The following CCSER1 variants were observed in gnomAD, a reference collection of about 807,000 sequenced individuals.
CCSER1 encodes the protein serine-rich coiled-coil domain-containing protein 1.
Under a neutral mutation model 82.0 loss-of-function variants are expected in CCSER1, and 41 were observed. The ratio of observed to expected loss-of-function variants is 0.50; its 90% confidence interval spans 0.39 to 0.65. The LOEUF (loss-of-function observed/expected upper bound fraction) is 0.65, where lower values mean the gene tolerates loss of function less well. CCSER1 is among the 30% of genes least tolerant of loss of function. The pLI is 0.00. For synonymous variants in CCSER1, 414 were observed against 383.9 expected (o/e 1.08, Z -0.92); for missense variants, 1,119 against 1,064.2 (o/e 1.05, Z -0.72).
intron 6 of CCSER1, among the ~76,000 whole-genome samples, chr4:90,715,847 C>T (rs1465869630): frequency 1.3e-5 from 2 of 151,860 alleles, no homozygotes; most frequent in African/African-American, 2.4e-5. Flanking sequence ...AATTTCACAT[C>T]TCAAAATATA....
intron 3 of CCSER1, among the ~76,000 whole-genome samples, chr4:90,342,667 A>G (rs1019196734): frequency 2.6e-5 from 4 of 152,144 alleles, no homozygotes; most frequent in Non-Finnish European, 5.9e-5. Flanking sequence ...ATTTTCCCGT[A>G]ATAGTTAATC....
chr4:90,900,095 T>G (rs978178036), intron 8 of CCSER1, among the ~76,000 whole-genome samples: 30 of 70,532 alleles, frequency 4.3e-4, no homozygotes, highest in Non-Finnish European at 9.7e-4. Context: ...GGTCCCAGAG[T>G]TTTTTTTTTT....
chr4:90,190,173 A>G (rs1735363130), intron 1 of CCSER1, among the ~76,000 whole-genome samples: 1 of 152,068 alleles, frequency 6.6e-6, no homozygotes, highest in Non-Finnish European at 1.5e-5. Context: ...CGCATCTAGA[A>G]TAATGAATTC....
intron 5 of CCSER1, among the ~76,000 whole-genome samples, chr4:90,568,501 C>G (rs561298564): frequency 6.6e-6 from 1 of 152,210 alleles, no homozygotes; most frequent in South Asian, 2.1e-4. Context: ...TTGGTTTCCA[C>G]TGCAGGAATA....
intron 10 of CCSER1, among the ~76,000 whole-genome samples, chr4:91,163,814 C>T (rs938932949): frequency 6.6e-6 from 1 of 151,880 alleles, no homozygotes; most frequent in Non-Finnish European, 1.5e-5. Flanking sequence ...TTATTTTGAG[C>T]CTATGTGTGT....
At chr4:90,401,503 T>C (rs961917085) in intron 4 of CCSER1, among the ~76,000 whole-genome samples, 2 of 152,196 alleles carry the variant, frequency 1.3e-5, no homozygotes, top group African/African-American at 4.8e-5. Flanking sequence ...CCAAATCTGC[T>C]ATGGCATTAT....
intron 1 of CCSER1, among the ~76,000 whole-genome samples, chr4:90,266,815 T>C (rs1725317355): frequency 6.6e-6 from 1 of 152,018 alleles, no homozygotes; most frequent in African/African-American, 2.4e-5. Context: ...TTGGCTAAAC[T>C]GTCTGGGGTC....
intron 10 of CCSER1, among the ~76,000 whole-genome samples, chr4:91,229,322 A>T (rs1206580878): frequency 6.6e-6 from 1 of 151,788 alleles, no homozygotes; most frequent in Non-Finnish European, 1.5e-5. Flanking sequence ...GTGAAGAAAC[A>T]TAAGTATATT....
chr4:90,447,297 A>G (rs948011587), intron 4 of CCSER1, among the ~76,000 whole-genome samples: 3 of 152,148 alleles, frequency 2.0e-5, no homozygotes, highest in African/African-American at 7.2e-5. Context: ...CAAAAAGTAG[A>G]CACCAAATAC....
At chr4:91,557,131 G>A (rs78013194) in intron 10 of CCSER1, among the ~76,000 whole-genome samples, 5,258 of 148,222 alleles carry the variant, frequency 0.035, 226 homozygotes, top group South Asian at 0.16. Flanking sequence ...ACCACAGAAT[G>A]TATGGAGTGT....
intron 5 of CCSER1, among the ~76,000 whole-genome samples, chr4:90,604,984 C>G (rs138246237): frequency 6.8e-6 from 1 of 147,970 alleles, no homozygotes; most frequent in Non-Finnish European, 1.5e-5. Flanking sequence ...CAGCCAGCAG[C>G]GGCAACTGAG....
intron 1 of CCSER1, among the ~76,000 whole-genome samples, chr4:90,261,161 G>GTTTT (rs34782676): frequency 6.8e-6 from 1 of 147,868 alleles, no homozygotes; most frequent in Admixed American, 6.8e-5. Flanking sequence ...TAGATACACT[G>GTTTT]TTTTTTTTTT....
intron 6 of CCSER1, among the ~76,000 whole-genome samples, chr4:90,686,797 G>T (rs1228261511): frequency 6.6e-6 from 1 of 152,082 alleles, no homozygotes; most frequent in African/African-American, 2.4e-5. Context: ...AGAGCAAATT[G>T]TCTTTATCCT....
chr4:91,461,928 T>G (rs190758258), intron 10 of CCSER1, among the ~76,000 whole-genome samples: 1 of 152,298 alleles, frequency 6.6e-6, no homozygotes, highest in East Asian at 1.9e-4. Context: ...AGTAAGTAAC[T>G]GGTGAAAATA....
intron 8 of CCSER1, among the ~76,000 whole-genome samples, chr4:90,885,199 A>G (rs1160730857): frequency 1.3e-5 from 2 of 152,148 alleles, no homozygotes; most frequent in East Asian, 1.9e-4. Flanking sequence ...GTGCATTTAT[A>G]TATTTCAAAG....
chr4:90,149,640 T>A (rs1408149589), intron 1 of CCSER1, among the ~76,000 whole-genome samples: 3 of 152,184 alleles, frequency 2.0e-5, no homozygotes, highest in Admixed American at 2.0e-4. Flanking sequence ...GGCCTCTATA[T>A]GACAATTTTG....
intron 3 of CCSER1, among the ~76,000 whole-genome samples, chr4:90,354,848 A>G (rs1744134197): frequency 6.6e-6 from 1 of 151,914 alleles, no homozygotes; most frequent in Non-Finnish European, 1.5e-5. Context: ...GTTTTGCCAT[A>G]TTGCAAATGC....
Position 91,377,765 on chromosome 4 carries a change from C to G in CCSER1, c.2218-220807C>G, listed in dbSNP as rs4266259. ...GCTCTTTAGTTTAATTAGATCCCAT[C>G]TGCCTATTTTGGCTTTTGTTGCCAT... On this transcript the variant is annotated intron_variant, in intron 10 of 10. Coordinates refer to ENST00000509176, the MANE Select transcript of CCSER1 (RefSeq NM_001145065.2). Among the ~76,000 whole-genome samples the G allele has an allele frequency of 9.5e-4, 145 of 151,954 alleles. 2 individuals are homozygous for G. In the East Asian group the frequency reaches 0.026, roughly 27 times the overall value.
intron 8 of CCSER1, among the ~76,000 whole-genome samples, chr4:90,870,226 T>C (rs971917072): frequency 1.3e-5 from 2 of 151,990 alleles, no homozygotes; most frequent in Non-Finnish European, 2.9e-5. Flanking sequence ...CTTCCAGTAC[T>C]ATGTTGAATA....
Sources: allele counts gnomAD v4.1 joint callset (sites outside exome capture counted in the v4.1 genomes callset), GRCh38; gene constraint gnomAD v4.1.1; transcripts MANE v1.5; gene names NCBI Gene and HGNC (gene_info 2026-07-23, HGNC 2026-07-21).